LRCH1: variants seen among roughly 807,000 people sequenced by gnomAD.
LRCH1 encodes leucine rich repeats and calponin homology domain containing 1.
A neutral mutation model predicts 94.9 loss-of-function variants in LRCH1; 23 were observed. That is an observed-to-expected ratio of 0.24 (90% CI 0.17 to 0.34). LRCH1 has a LOEUF of 0.34. Among genes scored for constraint, LRCH1 ranks in the 10% least tolerant of loss-of-function variants. The pLI, the probability that LRCH1 is intolerant of heterozygous loss-of-function variation, is 1.00. For synonymous variants in LRCH1, 364 were observed against 354.9 expected, an observed-to-expected ratio of 1.03 and a Z score of -0.29; for missense variants, 790 against 945.9, an observed-to-expected ratio of 0.84 and a Z score of 2.16.
At chr13:46,729,259 C>CTG (rs1872981913) in intron 18 of LRCH1, among the ~76,000 whole-genome samples, 1 of 151,952 alleles carries the variant, frequency 6.6e-6, no homozygotes, top group Non-Finnish European at 1.5e-5. Context: ...ACTTACTGGG[C>CTG]GGGCACGGTG....
intron 1 of LRCH1, among the ~76,000 whole-genome samples, chr13:46,593,629 G>T (rs1300464493): frequency 6.6e-6 from 1 of 152,086 alleles, no homozygotes; most frequent in Non-Finnish European, 1.5e-5. Flanking sequence ...GTTAACCGTG[G>T]GCAGGTCTGT....
rs188431903 is a variant in LRCH1, at chr13:46,670,599, C to T, written c.579+1443C>T. Among the ~76,000 whole-genome samples the T allele has an allele frequency of 2.2e-4, 34 of 151,970 alleles. No homozygotes were observed. In the East Asian group the frequency reaches 5.8e-3, roughly 26 times the overall value. On this transcript the variant is annotated intron_variant, in intron 3 of 19. Transcript: ENST00000389797. Reference sequence around the variant, plus strand: ...CTCAGATGTGGCTGTTGGGCTGCCACCAAAGGGGGTAATTCTGAAAGAAGA... The same window carrying T: ...CTCAGATGTGGCTGTTGGGCTGCCATCAAAGGGGGTAATTCTGAAAGAAGA...
intron 16 of LRCH1, among the ~76,000 whole-genome samples, chr13:46,717,255 T>A (rs1593373297): frequency 6.6e-6 from 1 of 152,324 alleles, no homozygotes; most frequent in East Asian, 1.9e-4. Flanking sequence ...GCTGCTTTCA[T>A]TTGATTAAAA....
chr13:46,708,029 T>C (rs1871857475), intron 13 of LRCH1, among the ~76,000 whole-genome samples: 1 of 152,218 alleles, frequency 6.6e-6, no homozygotes, highest in Non-Finnish European at 1.5e-5. Flanking sequence ...GTATATTGCC[T>C]CTTCATGCTG....
chr13:46,620,883 A>AT (rs1337236090), intron 1 of LRCH1, among the ~76,000 whole-genome samples: 1 of 152,228 alleles, frequency 6.6e-6, no homozygotes, highest in Non-Finnish European at 1.5e-5. Flanking sequence ...GGGACATATC[A>AT]TTACCTTTCT....
At chr13:46,704,328 G>A (rs1469017107) in intron 11 of LRCH1, among the ~76,000 whole-genome samples, 6 of 151,640 alleles carry the variant, frequency 4.0e-5, no homozygotes, top group Admixed American at 6.6e-5. Flanking sequence ...TTCTTTTTTA[G>A]TTAAGCCATT....
intron 1 of LRCH1, among the ~76,000 whole-genome samples, chr13:46,584,998 A>T (rs530326178): frequency 6.6e-6 from 1 of 152,324 alleles, no homozygotes; most frequent in Admixed American, 6.5e-5. Flanking sequence ...AAGAGCAGAG[A>T]ATTCTCAACT....
At chr13:46,603,589 C>G (rs1403783868) in intron 1 of LRCH1, among the ~76,000 whole-genome samples, 1 of 152,144 alleles carries the variant, frequency 6.6e-6, no homozygotes, top group African/African-American at 2.4e-5. Context: ...TATTAGAAAC[C>G]ATTTTAAGCA....
At chr13:46,672,676 T>G (rs2051616972) in intron 3 of LRCH1, among the ~76,000 whole-genome samples, 1 of 152,214 alleles carries the variant, frequency 6.6e-6, no homozygotes. Context: ...ATGCTTTTCT[T>G]GGGCACCCTG....
chr13:46,566,633 C>A (rs1240548378), intron 1 of LRCH1, among the ~76,000 whole-genome samples: 1 of 152,174 alleles, frequency 6.6e-6, no homozygotes, highest in Non-Finnish European at 1.5e-5. Context: ...GGAGCCCAAA[C>A]AGTTGTTGAA....
At chr13:46,593,689 C>T (rs1006823968) in intron 1 of LRCH1, among the ~76,000 whole-genome samples, 1 of 152,174 alleles carries the variant, frequency 6.6e-6, no homozygotes, top group African/African-American at 2.4e-5. Context: ...TAGGCTGGCC[C>T]AGGCGGGATC....
At chr13:46,747,991 C>T (rs150793085), downstream of LRCH1, among the ~76,000 whole-genome samples, 3,823 of 152,284 alleles carry the variant, frequency 0.025, 142 homozygotes, top group African/African-American at 0.082. Context: ...ATCTTCCAGC[C>T]TCAGCCTCCC....
chr13:46,649,781 A>G (rs2051268458), intron 1 of LRCH1, among the ~76,000 whole-genome samples: 1 of 151,800 alleles, frequency 6.6e-6, no homozygotes, highest in South Asian at 2.1e-4. Flanking sequence ...GTGAGCTGAA[A>G]TCGTGCCACT....
intron 7 of LRCH1, among the ~76,000 whole-genome samples, chr13:46,689,636 G>A (rs1196632101): frequency 2.0e-5 from 3 of 152,110 alleles, no homozygotes. Flanking sequence ...TATTTTAATA[G>A]TTGATCCACA....
At chr13:46,749,400 G>A (rs557045097), downstream of LRCH1, among the ~76,000 whole-genome samples, 66 of 152,230 alleles carry the variant, frequency 4.3e-4, no homozygotes, top group Non-Finnish European at 2.9e-5. Flanking sequence ...GGTGGGGATA[G>A]GAAGATATTG....
rs1287791959 is a variant in LRCH1 at position 46,732,827 on chromosome 13, G to T, written c.2008-1094G>T. Among the ~76,000 whole-genome samples the T allele has an allele frequency of 2.6e-5, 4 of 152,232 alleles. No individual in the cohort carries two copies. In the East Asian group the frequency reaches 7.7e-4, roughly 29 times the overall value. On this transcript the variant is annotated intron_variant, in intron 18 of 19. Coordinates refer to ENST00000389797, the MANE Select transcript of LRCH1 (RefSeq NM_001164211.2). ...GTGGCCTTGTCCTGAGACATGCCAGGGGTTGGGCAAAACCACCGAAGCAGC... is the reference window on the plus strand; with the variant it reads ...GTGGCCTTGTCCTGAGACATGCCAGTGGTTGGGCAAAACCACCGAAGCAGC...
At chr13:46,571,954 T>A (rs1424959750) in intron 1 of LRCH1, among the ~76,000 whole-genome samples, 1 of 152,012 alleles carries the variant, frequency 6.6e-6, no homozygotes. Context: ...GGCTGTTTTT[T>A]TGAACGGCGA....
At chr13:46,555,197 A>G (rs1358980465) in intron 1 of LRCH1, among the ~76,000 whole-genome samples, 1 of 152,192 alleles carries the variant, frequency 6.6e-6, no homozygotes, top group East Asian at 1.9e-4. Context: ...TCTTAGTTAC[A>G]TCTTCTCAAG....
At chr13:46,589,900 A>AT (rs113727855) in intron 1 of LRCH1, among the ~76,000 whole-genome samples, 6,071 of 134,378 alleles carry the variant, frequency 0.045, 192 homozygotes, top group African/African-American at 0.095. Context: ...TGTGCCTGGG[A>AT]TTTTTTTTTT....
Sources: gnomAD v4.1 joint callset for allele counts (sites outside exome capture counted in the v4.1 genomes callset) on GRCh38, gnomAD v4.1.1 for gene constraint, MANE v1.5 for transcripts, NCBI Gene and HGNC (gene_info 2026-07-23, HGNC 2026-07-21) for gene names.